The following BLMH variants were observed in gnomAD, a reference collection of about 807,000 sequenced individuals.
The protein encoded by BLMH is bleomycin hydrolase, also known as BLM hydrolase.
A neutral mutation model predicts 61.6 loss-of-function variants in BLMH; 32 were observed. That is an observed-to-expected ratio of 0.52 (90% CI 0.39 to 0.70). The LOEUF is 0.70. Among genes scored for constraint, BLMH ranks in the 30% least tolerant of loss-of-function variants. The pLI is 0.00. For missense variants in BLMH, 460 were observed against 555.5 expected (o/e 0.83, Z 1.73); for synonymous variants, 183 against 193.8 (o/e 0.94, Z 0.46).
Position 30,274,148 on chromosome 17 carries a change from G to A in BLMH, c.695C>T (p.Thr232Ile), listed in dbSNP as rs377543913. ...ICLGNPPETF[T>I]WEYRDKDKNY... is the part of the protein sequence containing the mutation. Reference sequence around the variant, plus strand: ...TTTATCTTTGTCTCGATATTCCCAGGTGAATGTCTCTGGTGGATTACCCAA... The same window carrying A: ...TTTATCTTTGTCTCGATATTCCCAGATGAATGTCTCTGGTGGATTACCCAA... Residue 232 changes from threonine (T) to isoleucine (I), a missense_variant, in exon 7 of 12, where the codon ACC becomes ATC. Coordinates refer to ENST00000261714, the MANE Select transcript of BLMH (RefSeq NM_000386.4). 7.4e-6 allele frequency: 12 copies of A among 1,613,990 alleles called. No homozygotes were observed. The African/African-American group carries it at 1.6e-4, about 22-fold the overall frequency.
At chr17:30,287,140 G>C (rs922391179) in intron 4 of BLMH, among the ~76,000 whole-genome samples, 4 of 152,006 alleles carry the variant, frequency 2.6e-5, no homozygotes, top group African/African-American at 9.7e-5. Flanking sequence ...TGAACTCCCA[G>C]GCTTGACCTC....
At chr17:30,255,958 C>G (rs1045191477) in intron 11 of BLMH, among the ~76,000 whole-genome samples, 1 of 152,190 alleles carries the variant, frequency 6.6e-6, no homozygotes, top group African/African-American at 2.4e-5. Context: ...ACAATCACAG[C>G]TCACTGCAGC....
At chr17:30,253,785 A>G (rs1907738333) in intron 11 of BLMH, among the ~76,000 whole-genome samples, 2 of 152,238 alleles carry the variant, frequency 1.3e-5, no homozygotes, top group Admixed American at 6.5e-5. Context: ...GTGAAATTAA[A>G]TTTTGTTTAA....
At chr17:30,272,192 T>G in intron 9 of BLMH, 1 of 238,208 alleles carries the variant, frequency 4.2e-6, no homozygotes, top group Non-Finnish European at 8.2e-6. Context: ...AAATACAAAG[T>G]TACCAAAGTA....
rs1908901079 is a variant in BLMH, at chr17:30,291,793, C to T, written c.13+14G>A. The T allele has an allele frequency of 7.2e-7, 1 of 1,397,314 alleles. No homozygotes were observed. Among genetic ancestry groups the T allele is most frequent in the Non-Finnish European group, 9.3e-7 (1 of 1,080,178 alleles). 86.6% of individuals were successfully genotyped at this position (1,397,314 alleles called of 1,614,324 possible). A position where few individuals can be genotyped will look rare whatever the true frequency, so the allele number is the denominator to read the frequency against. On this transcript the variant is annotated intron_variant, in intron 1 of 11. Transcript: ENST00000261714. ...TCCTCCAGAGGACCGCGGCGGGGGACGGCGGCACCTCACCCGAGCTGCTCA... is the reference window on the plus strand; with the variant it reads ...TCCTCCAGAGGACCGCGGCGGGGGATGGCGGCACCTCACCCGAGCTGCTCA...
At chr17:30,258,839 T>C (rs1907884609) in intron 11 of BLMH, among the ~76,000 whole-genome samples, 2 of 152,234 alleles carry the variant, frequency 1.3e-5, no homozygotes. Flanking sequence ...TCAGACAAAG[T>C]CTGCTTGTCG....
Position 30,272,621 on chromosome 17 carries a change from C to T in BLMH, c.968G>A (p.Trp323Ter). 1 of 1,614,144 alleles carries T rather than the reference C, an allele frequency of 6.2e-7. No homozygotes were observed. The highest frequency in any genetic ancestry group is 8.5e-7 in the Non-Finnish European group (1 of 1,180,020). The change falls in exon 9 of 12, where the codon TGG (tryptophan) becomes TAG (stop). Residue 323 changes from tryptophan to a stop codon, truncating the protein, a stop_gained. Transcript: ENST00000261714. LOFTEE classifies it high-confidence loss of function. ...GTGTTTTCCAACATCACAGCCAAAC[C>T]ACACAGCCTAGAAACAGAAGAAAGA... ...AASIKDGEAV[W>*]FGCDVGKHFN...
chr17:30,257,235 A>G (rs1375803168), intron 11 of BLMH, among the ~76,000 whole-genome samples: 1 of 152,244 alleles, frequency 6.6e-6, no homozygotes, highest in Non-Finnish European at 1.5e-5. Context: ...GCAAAGACTG[A>G]AACAACCCAA....
At position 30,291,495 on chromosome 17, in the gene BLMH, C is replaced by A. The variant is rs1423311558; in HGVS notation, c.27G>T (p.Glu9Asp). The change falls in exon 2 of 12, where the codon GAG becomes GAT. Residue 9 changes from glutamate to aspartate, a missense_variant. Glu to Asp is a conservative substitution (Grantham distance 45). Transcript: ENST00000261714. MSSSGLNS[E>D]KVAALIQKLN... ...GTTTCTGTATCAGAGCAGCTACCTT[C>A]TCCGAATTCAGTCCTGTTGGGAGAC... is the stretch of plus-strand genomic sequence containing the variant. 6.2e-7 allele frequency: 1 copy of A among 1,614,204 alleles called. No individual in the cohort carries two copies. Among genetic ancestry groups the A allele is most frequent in the South Asian group, 1.1e-5 (1 of 91,084 alleles).
Position 30,276,725 on chromosome 17 carries a change from C to T in BLMH, c.646-2528G>A, listed in dbSNP as rs367887312. Among the ~76,000 whole-genome samples the T allele has an allele frequency of 3.3e-5, 5 of 152,306 alleles. 1 individual carries two copies. Among genetic ancestry groups the T allele is most frequent in the African/African-American group, 9.6e-5 (4 of 41,572 alleles). On this transcript the variant is annotated intron_variant, in intron 6 of 11. Transcript: ENST00000261714. ...TTCTTACTTTTTAACTTAGGCAAAA[C>T]ATATGTTTAGTGTGTAAAACACACT...
intron 11 of BLMH, among the ~76,000 whole-genome samples, chr17:30,253,715 T>A (rs1009458666): frequency 4.6e-5 from 7 of 152,172 alleles, no homozygotes; most frequent in Admixed American, 2.0e-4. Context: ...GCTCCAGGGA[T>A]CCCAAGGTTA....
At chr17:30,274,464 A>G (rs1908364784) in intron 6 of BLMH, among the ~76,000 whole-genome samples, 1 of 152,214 alleles carries the variant, frequency 6.6e-6, no homozygotes, top group South Asian at 2.1e-4. Flanking sequence ...TGTCCTGAAA[A>G]TTTAAACTTC....
At chr17:30,266,733 G>T in intron 11 of BLMH, 152 bp downstream of exon 11, 1 of 698,924 alleles carries the variant, frequency 1.4e-6, no homozygotes. Context: ...GAATCCTGGG[G>T]GCAAATCAGA....
intron 11 of BLMH, among the ~76,000 whole-genome samples, chr17:30,257,462 G>T (rs756566588): frequency 6.6e-6 from 1 of 152,138 alleles, no homozygotes; most frequent in Non-Finnish European, 1.5e-5. Flanking sequence ...AAAAAATAAG[G>T]AAAGGCATAC....
At chr17:30,265,050 C>T (rs938190630) in intron 11 of BLMH, among the ~76,000 whole-genome samples, 1 of 152,194 alleles carries the variant, frequency 6.6e-6, no homozygotes, top group Non-Finnish European at 1.5e-5. Flanking sequence ...ACTTAATAGG[C>T]ACCCCTAAAA....
At chr17:30,271,848 T>C (rs1908280525) in intron 9 of BLMH, among the ~76,000 whole-genome samples, 1 of 152,220 alleles carries the variant, frequency 6.6e-6, no homozygotes, top group Admixed American at 6.5e-5. Context: ...ACACTCACAT[T>C]GTTAAATACA....
intron 11 of BLMH, among the ~76,000 whole-genome samples, chr17:30,262,935 C>A (rs1255633221): frequency 3.3e-5 from 5 of 152,104 alleles, no homozygotes; most frequent in Non-Finnish European, 1.5e-5. Context: ...TGTGACAAAC[C>A]CTCACAGAAT....
chr17:30,278,209 G>A (rs892154624), intron 6 of BLMH, among the ~76,000 whole-genome samples: 7 of 152,138 alleles, frequency 4.6e-5, no homozygotes, highest in African/African-American at 1.7e-4. Flanking sequence ...TGGGCAGTGA[G>A]CTTTAGATAT....
chr17:30,288,084 C>A (rs577556462), intron 3 of BLMH, 137 bp from the exon 4 acceptor site: 43 of 928,600 alleles, frequency 4.6e-5, no homozygotes, highest in Non-Finnish European at 6.2e-5. Flanking sequence ...AAACATGAAA[C>A]CTTCATGAAT....
Sources: gnomAD v4.1 joint callset for allele counts (sites outside exome capture counted in the v4.1 genomes callset) on GRCh38, gnomAD v4.1.1 for gene constraint, MANE v1.5 for transcripts, NCBI Gene and HGNC (gene_info 2026-07-23, HGNC 2026-07-21) for gene names.